Variants in JMJD1C observed in about 807,000 individuals in gnomAD.
JMJD1C encodes the protein jumonji domain containing 1C.
Under a neutral mutation model 245.3 loss-of-function variants are expected in JMJD1C, and 31 were observed. The observed-to-expected ratio is 0.13, with a 90% CI of 0.09 to 0.17. The LOEUF is 0.17. JMJD1C is among the 10% of genes least tolerant of loss of function. The pLI is 1.00. For missense variants in JMJD1C, 2,691 were observed against 3,000.2 expected (o/e 0.90, Z 2.41); for synonymous variants, 1,057 against 1,017.4 (o/e 1.04, Z -0.74).
chr10:63,510,508 T>G (rs568088490), intron 1 of JMJD1C, among the ~76,000 whole-genome samples: 1 of 152,370 alleles, frequency 6.6e-6, no homozygotes, highest in Non-Finnish European at 1.5e-5. Context: ...TTTTGGGATT[T>G]TCTAGCTATC....
At chr10:63,428,015 G>T (rs533497167) in intron 1 of JMJD1C, 246 of 627,442 alleles carry the variant, frequency 3.9e-4, no homozygotes, top group Non-Finnish European at 6.6e-4. Context: ...GCTGTCCACT[G>T]TACTTTATCA....
intron 2 of JMJD1C, among the ~76,000 whole-genome samples, chr10:63,321,723 A>C (rs1940889785): frequency 6.6e-6 from 1 of 152,336 alleles, no homozygotes; most frequent in East Asian, 1.9e-4. Flanking sequence ...GACTCCTCAA[A>C]ATATCAAAGG....
In JMJD1C at chr10:63,214,460, T is replaced by G; in HGVS notation, c.1707A>C (p.Val569=). The change falls in exon 8 of 26, where the codon GTA becomes GTC. Residue 569 remains valine (V), a synonymous_variant. Transcript: ENST00000399262. The part of the protein sequence containing the change: ...KDSDQSWVSD[V]VKVDLTQSSV... Reference sequence around the variant, plus strand: ...TTGATTGGGTTAGATCCACTTTAACTACATCACTGACCCAGCTCTGGTCAG... The same window carrying G: ...TTGATTGGGTTAGATCCACTTTAACGACATCACTGACCCAGCTCTGGTCAG... 6.2e-7 allele frequency: 1 copy of G among 1,613,996 alleles called. No homozygotes were observed. Among genetic ancestry groups the G allele is most frequent in the Non-Finnish European group, 8.5e-7 (1 of 1,179,976 alleles).
intron 2 of JMJD1C, among the ~76,000 whole-genome samples, chr10:63,348,007 G>A (rs1944003503): frequency 1.3e-5 from 2 of 152,084 alleles, no homozygotes; most frequent in East Asian, 3.9e-4. Context: ...GAGGTCAGGA[G>A]TTCGAGATCA....
intron 2 of JMJD1C, among the ~76,000 whole-genome samples, chr10:63,304,410 TA>T (rs147665768): frequency 2.0e-5 from 3 of 151,564 alleles, no homozygotes; most frequent in Admixed American, 2.0e-4. Context: ...GCCAGGAATT[TA>T]AAAAAAACAA....
intron 2 of JMJD1C, among the ~76,000 whole-genome samples, chr10:63,371,777 A>AT (rs1211057496): frequency 1.3e-5 from 2 of 152,222 alleles, no homozygotes; most frequent in Non-Finnish European, 2.9e-5. Context: ...AGAGTTTATC[A>AT]TTTAAAAAGC....
chr10:63,428,627 T>C (rs189169147), intron 1 of JMJD1C, among the ~76,000 whole-genome samples: 1 of 152,272 alleles, frequency 6.6e-6, no homozygotes, highest in East Asian at 1.9e-4. Flanking sequence ...TTCAAGTTAC[T>C]ATTGATCGTG....
chr10:63,233,645 C>T (rs1411488394), intron 3 of JMJD1C, among the ~76,000 whole-genome samples: 2 of 151,536 alleles, frequency 1.3e-5, no homozygotes, highest in African/African-American at 2.4e-5. Flanking sequence ...CAAATGATCA[C>T]AAACAGAACC....
chr10:63,191,983 CAAAAAAAAA>C (rs10652559), intron 16 of JMJD1C, among the ~76,000 whole-genome samples: 20 of 60,832 alleles, frequency 3.3e-4, no homozygotes, highest in Middle Eastern at 0.012. Flanking sequence ...GACTCTGTCT[CAAAAAAAAA>C]AAAAAAAAAA....
At chr10:63,347,289 T>A (rs1416785559) in intron 2 of JMJD1C, among the ~76,000 whole-genome samples, 1 of 151,934 alleles carries the variant, frequency 6.6e-6, no homozygotes, top group Non-Finnish European at 1.5e-5. Context: ...AATTTTTCAA[T>A]AAAGAAATTA....
intron 9 of JMJD1C, 22 bp from the exon 10 acceptor site, chr10:63,208,823 A>G (rs1377938168): frequency 2.0e-6 from 3 of 1,536,726 alleles, no homozygotes; most frequent in Non-Finnish European, 1.7e-6. Context: ...ATACACAAAT[A>G]TTTCTGTAAC....
intron 2 of JMJD1C, among the ~76,000 whole-genome samples, chr10:63,317,107 A>G (rs1477306197): frequency 5.9e-5 from 9 of 151,898 alleles, no homozygotes; most frequent in Middle Eastern, 3.4e-3. Flanking sequence ...TGATCCACCT[A>G]CCTCAGCCTC....
chr10:63,248,132 C>A (rs1589277389), intron 3 of JMJD1C, among the ~76,000 whole-genome samples: 2 of 151,190 alleles, frequency 1.3e-5, no homozygotes, highest in African/African-American at 4.9e-5. Context: ...GACGCTGAAG[C>A]AGTATATTTT....
In JMJD1C at chr10:63,208,549, C is replaced by T. The variant is rs1846939272; in HGVS notation, c.3120G>A (p.Lys1040=). The T allele has an allele frequency of 5.0e-6, 8 of 1,614,096 alleles. No individual in the cohort carries two copies. Among genetic ancestry groups the T allele is most frequent in the South Asian group, 1.1e-5 (1 of 91,080 alleles). ...AATTCTCTCTCTCACCCTCAAGTCC[C>T]TTGATTTTAGTTGTAAAGGGAGCAA... ...IDVAPFTTKI[K]GLEGERENYS... is the part of the protein sequence containing the mutation. Residue 1040 remains lysine, a synonymous_variant, in exon 10 of 26, where the codon AAG becomes AAA. Transcript: ENST00000399262.
chr10:63,359,394 AAC>A (rs1012637087), intron 2 of JMJD1C, among the ~76,000 whole-genome samples: 6 of 152,224 alleles, frequency 3.9e-5, no homozygotes, highest in African/African-American at 1.2e-4. Flanking sequence ...ATTTTCTTAA[AAC>A]ACAGCAGTTT....
Position 63,505,634 on chromosome 10 carries a change from T to G in JMJD1C, n.113+16104A>C, listed in dbSNP as rs545595852. ...AAAATTACTGGGTCCTACCCAGAGA[T>G]TCTGATTTAGTTGGTCTGGGGTAGG... On this transcript the variant is annotated intron_variant and non_coding_transcript_variant, in intron 1 of 3. Coordinates refer to the JMJD1C transcript ENST00000633035. Among the ~76,000 whole-genome samples the G allele has an allele frequency of 1.0e-3, 152 of 152,132 alleles. 1 individual carries two copies. Among genetic ancestry groups the G allele is most frequent in the African/African-American group, 3.5e-3 (147 of 41,488 alleles).
chr10:63,418,894 T>C (rs1462888396), intron 1 of JMJD1C, among the ~76,000 whole-genome samples: 4 of 151,538 alleles, frequency 2.6e-5, no homozygotes, highest in Non-Finnish European at 4.4e-5. Flanking sequence ...CTGGCCAATA[T>C]AGTGAAACTC....
At chr10:63,364,737 TCAGCTTCCCTAAGTG>T (rs1177729338) in intron 2 of JMJD1C, among the ~76,000 whole-genome samples, 4 of 152,316 alleles carry the variant, frequency 2.6e-5, no homozygotes, top group African/African-American at 9.6e-5. Context: ...TTTGCCTGCC[TCAGCTTCCCTAAGTG>T]CTGGGAGTAC....
chr10:63,334,658 T>C (rs1020695099), intron 2 of JMJD1C, among the ~76,000 whole-genome samples: 1 of 147,214 alleles, frequency 6.8e-6, no homozygotes, highest in Non-Finnish European at 1.5e-5. Context: ...GAGGTGGAGG[T>C]TGCAGCGAGC....
Sources: allele counts gnomAD v4.1 joint callset (sites outside exome capture counted in the v4.1 genomes callset), GRCh38; gene constraint gnomAD v4.1.1; transcripts MANE v1.5; gene names NCBI Gene and HGNC (gene_info 2026-07-23, HGNC 2026-07-21).